The following PTPRG variants were observed in gnomAD, a reference collection of about 807,000 sequenced individuals.
The protein encoded by PTPRG is receptor-type tyrosine-protein phosphatase gamma.
In PTPRG, 102 loss-of-function variants were observed where a neutral mutation model predicts 165.3. That is an observed-to-expected ratio of 0.62 (90% CI 0.53 to 0.73). The LOEUF (loss-of-function observed/expected upper bound fraction) is 0.73, where lower values mean the gene tolerates loss of function less well. Ranked by LOEUF, PTPRG falls within the 30% of genes least tolerant of loss-of-function variation. PTPRG has a pLI of 0.00. For missense variants in PTPRG, 1,866 were observed against 1,861.4 expected, an observed-to-expected ratio of 1.00 and a Z score of -0.05; for synonymous variants, 675 against 669.5, an observed-to-expected ratio of 1.01 and a Z score of -0.13.
intron 2 of PTPRG, among the ~76,000 whole-genome samples, chr3:61,887,117 A>C (rs2038058566): frequency 1.2e-5 from 1 of 82,826 alleles, no homozygotes; most frequent in East Asian, 7.4e-4. Flanking sequence ...GTATAACCAT[A>C]GCATGCATAT....
intron 5 of PTPRG, among the ~76,000 whole-genome samples, chr3:62,120,832 CAA>C (rs1401909503): frequency 6.6e-6 from 1 of 151,966 alleles, no homozygotes; most frequent in Non-Finnish European, 1.5e-5. Flanking sequence ...GTTCAGGACT[CAA>C]AAATGATTGA....
intron 5 of PTPRG, among the ~76,000 whole-genome samples, chr3:62,123,861 C>T (rs894952162): frequency 6.6e-6 from 1 of 152,120 alleles, no homozygotes; most frequent in Admixed American, 6.6e-5. Flanking sequence ...TATTGACACT[C>T]CACCTTTGAA....
chr3:61,995,698 T>A (rs536426323), intron 3 of PTPRG, among the ~76,000 whole-genome samples: 1 of 106,830 alleles, frequency 9.4e-6, no homozygotes, highest in East Asian at 3.0e-4. Flanking sequence ...CTTCCTTCCT[T>A]CCTTCCTTCC....
intron 1 of PTPRG, among the ~76,000 whole-genome samples, chr3:61,576,572 C>T (rs991273171): frequency 1.3e-5 from 2 of 152,138 alleles, no homozygotes; most frequent in African/African-American, 2.4e-5. Flanking sequence ...GAAGCCTGAA[C>T]GAGGTCTTAG....
At chr3:61,929,742 G>A (rs4688664) in intron 2 of PTPRG, among the ~76,000 whole-genome samples, 51,885 of 151,788 alleles carry the variant, frequency 0.34, 9,736 homozygotes, top group South Asian at 0.52. Context: ...AGCCCTATGG[G>A]CTGCAGTGAT....
intron 14 of PTPRG, among the ~76,000 whole-genome samples, chr3:62,239,360 CTTTTTTT>C (rs776921598): frequency 8.0e-6 from 1 of 124,538 alleles, no homozygotes; most frequent in Non-Finnish European, 1.7e-5. Context: ...TTTTTTCTTT[CTTTTTTT>C]TTTTTTTTTT....
At chr3:61,619,776 C>T (rs1701398459) in intron 1 of PTPRG, among the ~76,000 whole-genome samples, 1 of 152,164 alleles carries the variant, frequency 6.6e-6, no homozygotes, top group African/African-American at 2.4e-5. Flanking sequence ...GTATTGTGGA[C>T]AGAGCCAGAA....
chr3:62,153,805 C>T (rs761349751), intron 6 of PTPRG, among the ~76,000 whole-genome samples: 4 of 152,164 alleles, frequency 2.6e-5, no homozygotes, highest in South Asian at 2.1e-4. Flanking sequence ...TCACAGATAG[C>T]GGAGCTGGTA....
intron 2 of PTPRG, among the ~76,000 whole-genome samples, chr3:61,899,623 G>A (rs953822870): frequency 6.6e-6 from 1 of 152,126 alleles, no homozygotes; most frequent in African/African-American, 2.4e-5. Flanking sequence ...ACCAGGAATG[G>A]GTCCCAAACC....
chr3:61,789,194 G>A (rs568849674), intron 2 of PTPRG, among the ~76,000 whole-genome samples: 3 of 152,004 alleles, frequency 2.0e-5, no homozygotes, highest in South Asian at 4.2e-4. Context: ...TGATGTCTCG[G>A]GCTCAGGTGA....
At chr3:61,653,240 A>G (rs564272798) in intron 1 of PTPRG, among the ~76,000 whole-genome samples, 4 of 152,232 alleles carry the variant, frequency 2.6e-5, no homozygotes, top group African/African-American at 7.2e-5. Context: ...TAGTCAAGAC[A>G]TCCTGTCTGT....
intron 2 of PTPRG, among the ~76,000 whole-genome samples, chr3:61,939,040 A>T (rs2039547680): frequency 1.3e-5 from 2 of 152,188 alleles, no homozygotes; most frequent in African/African-American, 4.8e-5. Flanking sequence ...CCATTATAAT[A>T]CGTTTAAATT....
intron 2 of PTPRG, among the ~76,000 whole-genome samples, chr3:61,836,062 C>CCCAAAAAAA (rs2036450402): frequency 9.6e-6 from 1 of 103,652 alleles, no homozygotes. Context: ...CCCCCCCCAC[C>CCCAAAAAAA]AAAAAAAAAA....
At chr3:61,659,895 T>A (rs375725900) in intron 1 of PTPRG, among the ~76,000 whole-genome samples, 2 of 152,208 alleles carry the variant, frequency 1.3e-5, no homozygotes, top group African/African-American at 4.8e-5. Flanking sequence ...TCAGGGGGAA[T>A]GTGGCTATGG....
Position 62,203,799 on chromosome 3 carries a change from C to G in PTPRG, c.2004C>G (p.Pro668=), listed in dbSNP as rs748713152. Residue 668 remains proline, a synonymous_variant, in exon 12 of 30, where the codon CCC becomes CCG. Coordinates refer to ENST00000474889, the MANE Select transcript of PTPRG (RefSeq NM_002841.4). The surrounding 1 kb of genome is among the most constrained non-coding windows in gnomAD (Gnocchi z 6.4). The stretch of plus-strand genomic sequence containing the variant: ...GGGATGCCGGCCCAGGCCTGGACCC[C>G]GACATGGTCACCTCCACCCAAGTGC... ...GRRDAGPGLD[P]DMVTSTQVPP... The G allele has an allele frequency of 6.2e-6, 10 of 1,613,534 alleles. No individual in the cohort carries two copies. Among genetic ancestry groups the G allele is most frequent in the Non-Finnish European group, 8.5e-6 (10 of 1,179,822 alleles).
Position 62,296,267 on chromosome 3 carries a change from C to T in PTPRG, c.*2960C>T, listed in dbSNP as rs752578698. 1.6e-4 allele frequency: 25 copies of T among 151,822 alleles called. No homozygotes were observed. Among genetic ancestry groups the T allele is most frequent in the Non-Finnish European group, 3.4e-4 (23 of 67,938 alleles). The allele number at this position is 151,822 out of a possible 1,614,324, so 9.4% of individuals were successfully genotyped here. A position where few individuals can be genotyped will look rare whatever the true frequency, so the allele number is the denominator to read the frequency against. ...ATGCCTTTAGAGTTTTTAGTCTATT[C>T]AAGTAGAAGAGTCCAGCGAGGCCAA... On this transcript the variant is annotated 3_prime_UTR_variant, in exon 30 of 30. Transcript: ENST00000474889.
chr3:62,297,311 A>G lies in PTPRG; in HGVS notation c.*4004A>G, dbSNP rs1265464581. The G allele has an allele frequency of 6.6e-6, 1 of 152,034 alleles. No individual in the cohort carries two copies. Among genetic ancestry groups the G allele is most frequent in the African/African-American group, 2.4e-5 (1 of 41,426 alleles). 9.4% of individuals were successfully genotyped at this position (152,034 alleles called of 1,614,324 possible). A position where few individuals can be genotyped will look rare whatever the true frequency, so the allele number is the denominator to read the frequency against. The stretch of plus-strand genomic sequence containing the variant: ...CCATCTTTACATTCCAAAAGAATCC[A>G]ACATGTGTTATTTCTTTGAGGCAGT... On this transcript the variant is annotated 3_prime_UTR_variant, in exon 30 of 30. Transcript: ENST00000474889.
intron 2 of PTPRG, among the ~76,000 whole-genome samples, chr3:61,978,114 A>G (rs1011756774): frequency 1.3e-5 from 2 of 152,170 alleles, no homozygotes; most frequent in Admixed American, 1.3e-4. Context: ...AGCCTCCCAA[A>G]GTGCTGGGAT....
chr3:62,282,116 G>A (rs1702472207), intron 27 of PTPRG, among the ~76,000 whole-genome samples: 1 of 151,976 alleles, frequency 6.6e-6, no homozygotes, highest in South Asian at 2.1e-4. Flanking sequence ...TTTAAAGGAT[G>A]AGCCCCTTCC....
Sources: allele counts gnomAD v4.1 joint callset (sites outside exome capture counted in the v4.1 genomes callset), GRCh38; gene constraint gnomAD v4.1.1; non-coding constraint Gnocchi (gnomAD v3.1); transcripts MANE v1.5; gene names NCBI Gene and HGNC (gene_info 2026-07-23, HGNC 2026-07-21).